The following DLC1 variants were observed in gnomAD, a reference collection of about 807,000 sequenced individuals.
The protein encoded by DLC1 is rho GTPase-activating protein 7.
Under a neutral mutation model 140.3 loss-of-function variants are expected in DLC1, and 54 were observed. The observed-to-expected ratio is 0.38, with a 90% CI of 0.31 to 0.48. The LOEUF (loss-of-function observed/expected upper bound fraction) is 0.48, where lower values mean the gene tolerates loss of function less well. DLC1 is among the 20% of genes least tolerant of loss of function. DLC1 has a pLI of 0.96. For synonymous variants in DLC1, 986 were observed against 728.1 expected (o/e 1.35, Z -5.70); for missense variants, 2,536 against 1,907.0 (o/e 1.33, Z -6.14).
chr8:13,458,485 C>T (rs1210681786), intron 2 of DLC1, among the ~76,000 whole-genome samples: 1 of 152,094 alleles, frequency 6.6e-6, no homozygotes, highest in Admixed American at 6.6e-5. Context: ...ATAGAGTGAG[C>T]TCATTAAGTA....
chr8:13,305,191 T>A, intron 5 of DLC1, 78 bp downstream of exon 5: 1 of 1,560,176 alleles, frequency 6.4e-7, no homozygotes, highest in South Asian at 1.2e-5. Flanking sequence ...TTTTATATAT[T>A]TAATAAAATG....
chr8:13,185,288 T>TTTTTG lies in DLC1; in HGVS notation c.1349-69632_1349-69631insCAAAA, dbSNP rs1554464345. Among the ~76,000 whole-genome samples, 51 of 144,464 alleles carry TTTTTG rather than the reference T, an allele frequency of 3.5e-4. 2 individuals carry two copies. The highest frequency in any genetic ancestry group is 1.2e-3 in the African/African-American group (47 of 38,922). 94.8% of individuals were successfully genotyped at this position (144,464 alleles called of 152,430 possible). A position where few individuals can be genotyped will look rare whatever the true frequency, so the allele number is the denominator to read the frequency against. ...TGCCAGTCTGTGTCTTTTCTGTTTT[T>TTTTTG]TTTGTTTGTTTGTTTGTTTGTTTGT... On this transcript the variant is annotated intron_variant, in intron 5 of 17. Transcript: ENST00000276297.
intron 2 of DLC1, among the ~76,000 whole-genome samples, chr8:13,477,818 T>C (rs1035762844): frequency 4.0e-5 from 6 of 151,730 alleles, no homozygotes; most frequent in Non-Finnish European, 8.8e-5. Context: ...TCTTTAGTCA[T>C]AACTAGGAAA....
At chr8:13,354,035 T>C (rs561053985) in intron 4 of DLC1, among the ~76,000 whole-genome samples, 1 of 64,792 alleles carries the variant, frequency 1.5e-5, no homozygotes, top group East Asian at 4.5e-4. Flanking sequence ...CATCCAGACA[T>C]ACTGAACTTT....
intron 1 of DLC1, among the ~76,000 whole-genome samples, chr8:13,541,779 G>A (rs1585256671): frequency 6.6e-6 from 1 of 152,180 alleles, no homozygotes; most frequent in South Asian, 2.1e-4. Flanking sequence ...TCGATCTCCT[G>A]ACCACGTGAT....
intron 2 of DLC1, among the ~76,000 whole-genome samples, chr8:13,413,380 G>T (rs1837888988): frequency 6.8e-6 from 1 of 147,262 alleles, no homozygotes; most frequent in South Asian, 2.2e-4. Context: ...GAACACCCCT[G>T]CTGTACAGCA....
chr8:13,095,682 A>T (rs1818447246), intron 10 of DLC1: 1 of 171,716 alleles, frequency 5.8e-6, no homozygotes, highest in Non-Finnish European at 1.3e-5. Context: ...ACAACATGTA[A>T]TACCCTAATT....
chr8:13,123,224 C>T (rs1821255012), intron 5 of DLC1, among the ~76,000 whole-genome samples: 1 of 152,146 alleles, frequency 6.6e-6, no homozygotes, highest in South Asian at 2.1e-4. Context: ...AAGCCAAACT[C>T]CTAACAATGT....
intron 5 of DLC1, among the ~76,000 whole-genome samples, chr8:13,142,984 G>C (rs571125949): frequency 6.6e-6 from 1 of 151,752 alleles, no homozygotes; most frequent in Non-Finnish European, 1.5e-5. Flanking sequence ...CAGAGGTTGC[G>C]GTGAGCCAAG....
intron 5 of DLC1, among the ~76,000 whole-genome samples, chr8:13,207,285 T>C (rs1263491682): frequency 6.6e-6 from 1 of 152,178 alleles, no homozygotes; most frequent in Non-Finnish European, 1.5e-5. Flanking sequence ...GGCATATATA[T>C]TTACTAGTAA....
intron 1 of DLC1, among the ~76,000 whole-genome samples, chr8:13,587,750 A>G (rs553230716): frequency 2.6e-5 from 4 of 151,830 alleles, no homozygotes; most frequent in African/African-American, 9.6e-5. Flanking sequence ...TGATATTTTA[A>G]TACAGCAATC....
At chr8:13,551,155 C>T (rs1337121452) in intron 1 of DLC1, among the ~76,000 whole-genome samples, 3 of 150,688 alleles carry the variant, frequency 2.0e-5, no homozygotes, top group African/African-American at 7.3e-5. Flanking sequence ...TAGCCAAAAT[C>T]CCTTACTTTG....
chr8:13,313,382 A>G (rs1476158283), intron 4 of DLC1, among the ~76,000 whole-genome samples: 1 of 152,248 alleles, frequency 6.6e-6, no homozygotes, highest in African/African-American at 2.4e-5. Flanking sequence ...GACTGAAACA[A>G]AAAATTAGAG....
chr8:13,405,949 C>CTTTCTTTCT (rs1837522691), intron 2 of DLC1, among the ~76,000 whole-genome samples: 1 of 95,980 alleles, frequency 1.0e-5, no homozygotes, highest in Non-Finnish European at 2.2e-5. Flanking sequence ...TTCTTTCTTT[C>CTTTCTTTCT]TTTCTTTCTT....
At chr8:13,249,277 C>G (rs772191697) in intron 5 of DLC1, among the ~76,000 whole-genome samples, 3 of 152,104 alleles carry the variant, frequency 2.0e-5, no homozygotes, top group Non-Finnish European at 4.4e-5. Context: ...CGAGTTTCAC[C>G]ATGTCGGCCA....
At chr8:13,371,583 C>CTA (rs1835731868) in intron 4 of DLC1, among the ~76,000 whole-genome samples, 1 of 147,284 alleles carries the variant, frequency 6.8e-6, no homozygotes, top group African/African-American at 2.5e-5. Flanking sequence ...CTCACAATGA[C>CTA]TTTTTTTTTT....
At chr8:13,423,636 C>A (rs1360970930) in intron 2 of DLC1, among the ~76,000 whole-genome samples, 1 of 152,112 alleles carries the variant, frequency 6.6e-6, no homozygotes, top group African/African-American at 2.4e-5. Context: ...ACCATTTAAA[C>A]AGAAATCGGA....
At chr8:13,210,107 T>G (rs778909165) in intron 5 of DLC1, among the ~76,000 whole-genome samples, 16 of 152,182 alleles carry the variant, frequency 1.1e-4, no homozygotes, top group Non-Finnish European at 1.9e-4. Flanking sequence ...ATTTCTATAG[T>G]TAAATGCTAC....
Position 13,091,576 on chromosome 8 carries a change from A to C in DLC1, c.3741-144T>G, listed in dbSNP as rs1009146613. 19 of 633,912 alleles carry C rather than the reference A, an allele frequency of 3.0e-5. No homozygotes were observed. In the African/African-American group the frequency reaches 3.5e-4, roughly 12 times the overall value. The allele number at this position is 633,912 out of a possible 1,614,324, so 39.3% of individuals were successfully genotyped here. On this transcript the variant is annotated intron_variant, in intron 13 of 17. Transcript: ENST00000276297. ...TGTTAAGTGGATTAAGAGTGTTTTT[A>C]CTTTGGTCACCAGAGTATCTCAGAG...
Sources: allele counts gnomAD v4.1 joint callset (sites outside exome capture counted in the v4.1 genomes callset), GRCh38; gene constraint gnomAD v4.1.1; transcripts MANE v1.5; gene names NCBI Gene and HGNC (gene_info 2026-07-23, HGNC 2026-07-21).